The following RYR1 variants were observed in gnomAD, a reference collection of about 807,000 sequenced individuals.
RYR1 encodes central core disease of muscle.
In RYR1, 342 loss-of-function variants were observed where a neutral mutation model predicts 583.5. The observed-to-expected ratio is 0.59, with a 90% CI of 0.54 to 0.64. The LOEUF (loss-of-function observed/expected upper bound fraction) is 0.64. Among genes scored for constraint, RYR1 ranks in the 30% least tolerant of loss-of-function variants. The pLI is 0.00. For missense variants in RYR1, 6,032 were observed against 6,917.2 expected, an observed-to-expected ratio of 0.87 and a Z score of 4.54; for synonymous variants, 2,791 against 2,822.5, an observed-to-expected ratio of 0.99 and a Z score of 0.35.
At chr19:38,503,038 T>C in intron 49 of RYR1, 68 bp downstream of exon 49, 2 of 1,490,996 alleles carry the variant, frequency 1.3e-6, no homozygotes, top group East Asian at 4.5e-5. Flanking sequence ...TCCCTCCTAC[T>C]GCGGGGCTCA....
chr19:38,443,666 C>T (rs1165579931), intron 4 of RYR1, 34 bp downstream of exon 4: 2 of 1,613,802 alleles, frequency 1.2e-6, no homozygotes, highest in Admixed American at 1.7e-5. Flanking sequence ...GGGCAGGGGC[C>T]AGGGCATGTG....
At chr19:38,507,628 G>A in intron 57 of RYR1, 84 bp from the exon 58 acceptor site, 1 of 884,734 alleles carries the variant, frequency 1.1e-6, no homozygotes, top group South Asian at 1.3e-5. Context: ...GACGGGGCCA[G>A]CAGGAGCAGA....
intron 58 of RYR1, 50 bp from the exon 59 acceptor site, chr19:38,510,448 G>C (rs767128221): frequency 7.5e-6 from 12 of 1,600,240 alleles, no homozygotes; most frequent in Non-Finnish European, 9.4e-6. Flanking sequence ...AGAACACCCT[G>C]GGTTCCCCAG....
chr19:38,536,092 C>T, intron 82 of RYR1, 22 bp downstream of exon 82: 3 of 1,599,898 alleles, frequency 1.9e-6, no homozygotes, highest in Non-Finnish European at 2.6e-6. Flanking sequence ...CCTTGGGCTT[C>T]CCACCCCCTG....
intron 70 of RYR1, among the ~76,000 whole-genome samples, chr19:38,524,346 G>A (rs1971375596): frequency 6.6e-6 from 1 of 151,862 alleles, no homozygotes; most frequent in Non-Finnish European, 1.5e-5. Context: ...GCTCTGGACT[G>A]TATGGACTGG....
At chr19:38,522,021 T>G (rs953184833) in intron 67 of RYR1, among the ~76,000 whole-genome samples, 8 of 152,090 alleles carry the variant, frequency 5.3e-5, no homozygotes, top group Admixed American at 2.0e-4. Flanking sequence ...AGAAAAAATT[T>G]TAAAAAGTTT....
In RYR1 at chr19:38,469,114, C is replaced by T; in HGVS notation, c.3530C>T (p.Ala1177Val). 6.2e-7 allele frequency: 1 copy of T among 1,614,196 alleles called. No individual in the cohort carries two copies. The highest frequency in any genetic ancestry group is 1.7e-5 in the Admixed American group (1 of 60,018). Residue 1177 changes from alanine to valine, a missense_variant, in exon 26 of 106, where the codon GCC (alanine) becomes GTC (valine). By Grantham distance (64) the Ala-to-Val change is moderately conservative. Around this residue, in one of 11 missense-constraint regions of RYR1, gnomAD observed 2,627 missense variants for 2,961.3 expected, o/e 0.89. Transcript: ENST00000359596. ...ATGTCTGACTCAGGCTCCGAAACAG[C>T]CTTCCGGGAGATTGAGATTGGGGAC... ...VLMSDSGSET[A>V]FREIEIGDGF...
chr19:38,583,657 C>A (rs1380824131), intron 101 of RYR1, among the ~76,000 whole-genome samples: 3 of 152,032 alleles, frequency 2.0e-5, no homozygotes, highest in Non-Finnish European at 2.9e-5. Context: ...AACCGCAAAC[C>A]CTCTTGCTTT....
chr19:38,466,318 G>A lies in RYR1; in HGVS notation c.3098G>A (p.Ser1033Asn), dbSNP rs1939467351. ...YRLLDEATKR[S>N]NRDSLCQAVR... is the part of the protein sequence containing the mutation. ...CTGCTGGATGAAGCCACCAAGCGCAGCAACCGGGACAGCCTCTGCCAGGCC... is the reference window on the plus strand; with the variant it reads ...CTGCTGGATGAAGCCACCAAGCGCAACAACCGGGACAGCCTCTGCCAGGCC... Residue 1033 changes from serine (S) to asparagine (N), a missense_variant, in exon 24 of 106, where the codon AGC becomes AAC. By Grantham distance (46) the Ser-to-Asn change is conservative (BLOSUM62 1). This residue lies in a region of RYR1 where 2,627 missense variants were observed against 2,961.3 expected (regional missense o/e 0.89). Coordinates refer to ENST00000359596, the MANE Select transcript of RYR1 (RefSeq NM_000540.3). 1 of 1,608,052 alleles carries A rather than the reference G, an allele frequency of 6.2e-7. No homozygotes were observed. Among genetic ancestry groups the A allele is most frequent in the African/African-American group, 1.3e-5 (1 of 74,790 alleles).
chr19:38,561,211 C>T lies in RYR1; in HGVS notation c.12381C>T (p.Phe4127=). ...ACGAAATGATCAACTGCGAAGAGTT[C>T]GCCAACCGCTTCCAGGAGCCAGCAC... is the stretch of plus-strand genomic sequence containing the variant. ...DENEMINCEE[F]ANRFQEPARD... Residue 4127 remains phenylalanine (F), a synonymous_variant, in exon 90 of 106, where the codon TTC becomes TTT. Transcript: ENST00000359596. The surrounding 1 kb of genome is among the most constrained non-coding windows in gnomAD (Gnocchi z 4.8). 2 of 1,614,136 alleles carry T rather than the reference C, an allele frequency of 1.2e-6. No individual in the cohort carries two copies. The highest frequency in any genetic ancestry group is 1.7e-5 in the Admixed American group (1 of 60,020).
Position 38,529,416 on chromosome 19 carries a change from G to A in RYR1, c.11141+359G>A, listed in dbSNP as rs530859087. Among the ~76,000 whole-genome samples the A allele has an allele frequency of 3.9e-5, 6 of 152,284 alleles. No individual in the cohort carries two copies. The East Asian group carries it at 9.6e-4, about 24-fold the overall frequency. ...AATCGCTTGAACCTGGGAGGCGGAGGTTGCAGTGAGCCGAGATCATACCAC... is the reference window on the plus strand; with the variant it reads ...AATCGCTTGAACCTGGGAGGCGGAGATTGCAGTGAGCCGAGATCATACCAC... On this transcript the variant is annotated intron_variant, in intron 76 of 105. Coordinates refer to ENST00000359596, the MANE Select transcript of RYR1 (RefSeq NM_000540.3).
At chr19:38,569,538 G>A (rs1480087529) in intron 93 of RYR1, among the ~76,000 whole-genome samples, 1 of 149,852 alleles carries the variant, frequency 6.7e-6, no homozygotes, top group Non-Finnish European at 1.5e-5. Context: ...CTGGGTGAGA[G>A]TAAGACCTTG....
At position 38,485,905 on chromosome 19, in the gene RYR1, A is replaced by G. The variant is rs768961256; in HGVS notation, c.5250A>G (p.Gly1750=). Residue 1750 remains glycine (G), a synonymous_variant, in exon 34 of 106, where the codon GGA becomes GGG. Coordinates refer to ENST00000359596, the MANE Select transcript of RYR1 (RefSeq NM_000540.3). ...ETRAITLFPP[G]RSTENGHPRH... is the part of the protein sequence containing the mutation. ...GCGCCATCACGCTCTTCCCTCCTGG[A>G]AGGAGCACAGAAAATGGTCACCCCC... 1 of 1,613,722 alleles carries G rather than the reference A, an allele frequency of 6.2e-7. No homozygotes were observed. Among genetic ancestry groups the G allele is most frequent in the Non-Finnish European group, 8.5e-7 (1 of 1,179,956 alleles).
chr19:38,541,105 A>G (rs1399573083), intron 84 of RYR1, among the ~76,000 whole-genome samples: 1 of 152,212 alleles, frequency 6.6e-6, no homozygotes, highest in Non-Finnish European at 1.5e-5. Context: ...AGAGGTTCTC[A>G]TTGTAATTGT....
Position 38,443,812 on chromosome 19 carries a change from G to A in RYR1, c.424+16G>A. ...GACGCAACAGGTGCAGCAGCTGGAG[G>A]GGATGGGGGTGTGAAGGGGCCCCGC... On this transcript the variant is annotated intron_variant, in intron 5 of 105. Transcript: ENST00000359596. 2 of 1,613,836 alleles carry A rather than the reference G, an allele frequency of 1.2e-6. No homozygotes were observed. Among genetic ancestry groups the A allele is most frequent in the Non-Finnish European group, 1.7e-6 (2 of 1,179,770 alleles).
chr19:38,530,018 C>T (rs563032277), intron 76 of RYR1, among the ~76,000 whole-genome samples: 4 of 152,120 alleles, frequency 2.6e-5, no homozygotes, highest in Non-Finnish European at 4.4e-5. Context: ...CTCGCTCTGT[C>T]ACCCAGGCTG....
chr19:38,465,785 GA>G (rs1408788519), intron 23 of RYR1, among the ~76,000 whole-genome samples: 1 of 151,942 alleles, frequency 6.6e-6, no homozygotes, highest in Non-Finnish European at 1.5e-5. Context: ...CAAAGAGAGA[GA>G]AAAACCTCAA....
At chr19:38,577,778 A>C in intron 97 of RYR1, 140 bp from the exon 98 acceptor site, 2 of 1,089,326 alleles carry the variant, frequency 1.8e-6, no homozygotes, top group Non-Finnish European at 2.6e-6. Flanking sequence ...CCTGGGTGAC[A>C]GAGGGAGACT....
At position 38,483,150 on chromosome 19, in the gene RYR1, G is replaced by A; in HGVS notation, c.4707+37G>A. The A allele has an allele frequency of 6.2e-7, 1 of 1,607,296 alleles. No homozygotes were observed. Among genetic ancestry groups the A allele is most frequent in the Non-Finnish European group, 8.5e-7 (1 of 1,173,836 alleles). On this transcript the variant is annotated intron_variant, in intron 32 of 105. Transcript: ENST00000359596. The surrounding 1 kb of genome is among the most constrained non-coding windows in gnomAD (Gnocchi z 6.3). ...GTGATGGGGGCACTAATGGGGCCAG[G>A]CTGAGGCAGGAGATGTGGGGAGGCC...
Sources: gnomAD v4.1 joint callset for allele counts (sites outside exome capture counted in the v4.1 genomes callset) on GRCh38, gnomAD v4.1.1 for gene constraint, gnomAD v4.1.1 regional missense constraint, Gnocchi (gnomAD v3.1) non-coding constraint, MANE v1.5 for transcripts, NCBI Gene and HGNC (gene_info 2026-07-23, HGNC 2026-07-21) for gene names.